The following FAM13B variants were observed in gnomAD, a reference collection of about 807,000 sequenced individuals.
The protein encoded by FAM13B is family with sequence similarity 13 member B.
A neutral mutation model predicts 117.3 loss-of-function variants in FAM13B; 60 were observed. The ratio of observed to expected loss-of-function variants is 0.51; its 90% CI spans 0.42 to 0.63. FAM13B has a LOEUF of 0.63. FAM13B is among the 30% of genes least tolerant of loss of function. FAM13B has a pLI of 0.00. For synonymous variants in FAM13B, 332 were observed against 356.1 expected (o/e 0.93, Z 0.76); for missense variants, 972 against 1,091.9 (o/e 0.89, Z 1.55).
At chr5:137,964,713 T>C (rs1769177781) in intron 10 of FAM13B, among the ~76,000 whole-genome samples, 1 of 151,904 alleles carries the variant, frequency 6.6e-6, no homozygotes, top group Non-Finnish European at 1.5e-5. Flanking sequence ...AGTACAAGAC[T>C]CCGTCACAAA....
intron 10 of FAM13B, among the ~76,000 whole-genome samples, chr5:137,969,948 T>C (rs1771516385): frequency 6.6e-6 from 1 of 151,784 alleles, no homozygotes; most frequent in South Asian, 2.1e-4. Flanking sequence ...CTCCAAGAAA[T>C]ATGGGACTAT....
intron 7 of FAM13B, among the ~76,000 whole-genome samples, chr5:137,999,365 C>G (rs1037115824): frequency 6.6e-6 from 1 of 152,098 alleles, no homozygotes; most frequent in African/African-American, 2.4e-5. Flanking sequence ...ATCATGAGGT[C>G]AGGAGTTTGA....
At chr5:137,957,985 G>A (rs1469521446) in intron 13 of FAM13B, among the ~76,000 whole-genome samples, 1 of 152,212 alleles carries the variant, frequency 6.6e-6, no homozygotes, top group African/African-American at 2.4e-5. Flanking sequence ...ATTCTTCTAT[G>A]TTTAAAATTT....
chr5:138,019,651 T>C (rs951613739), intron 2 of FAM13B, among the ~76,000 whole-genome samples: 2 of 151,702 alleles, frequency 1.3e-5, no homozygotes, highest in Admixed American at 6.6e-5. Flanking sequence ...TAATGAGTTC[T>C]TATTTCTACA....
chr5:137,998,741 T>C (rs1280981599), intron 7 of FAM13B, among the ~76,000 whole-genome samples: 3 of 152,252 alleles, frequency 2.0e-5, no homozygotes, highest in Non-Finnish European at 4.4e-5. Flanking sequence ...CTTTAACAAA[T>C]GTGCCAACTA....
chr5:138,000,637 A>C (rs1780986256), intron 7 of FAM13B, among the ~76,000 whole-genome samples: 1 of 152,140 alleles, frequency 6.6e-6, no homozygotes, highest in African/African-American at 2.4e-5. Flanking sequence ...TACAAACAGA[A>C]GCACCCAGGC....
intron 7 of FAM13B, among the ~76,000 whole-genome samples, chr5:138,004,326 G>A (rs1355331112): frequency 1.2e-5 from 1 of 81,664 alleles, no homozygotes; most frequent in East Asian, 3.8e-4. Flanking sequence ...TGGAGCAAAG[G>A]AGGATCCTCT....
chr5:137,988,609 A>G (rs1261345384), intron 7 of FAM13B, among the ~76,000 whole-genome samples: 1 of 152,240 alleles, frequency 6.6e-6, no homozygotes, highest in Non-Finnish European at 1.5e-5. Context: ...CTCTCATTTA[A>G]TAACTTTCAA....
chr5:137,969,418 A>C (rs1057247538), intron 10 of FAM13B, among the ~76,000 whole-genome samples: 21 of 152,326 alleles, frequency 1.4e-4, no homozygotes, highest in African/African-American at 4.8e-4. Flanking sequence ...TAGAAGGAAA[A>C]CTAACAAACA....
chr5:137,966,885 A>G (rs1770137326), intron 10 of FAM13B, among the ~76,000 whole-genome samples: 1 of 152,222 alleles, frequency 6.6e-6, no homozygotes, highest in Non-Finnish European at 1.5e-5. Context: ...TGGGAAAAGG[A>G]TATATTATAC....
intron 7 of FAM13B, 106 bp from the exon 8 acceptor site, chr5:137,988,421 C>T: frequency 1.3e-6 from 1 of 775,194 alleles, no homozygotes; most frequent in Non-Finnish European, 2.1e-6. Flanking sequence ...ACCAGGAGAG[C>T]ACATACTAAG....
At position 137,942,132 on chromosome 5, in the gene FAM13B, G is replaced by C. The variant is rs918756187; in HGVS notation, c.2589-87C>G. ...TTCTATTTCTGGCTGCAAATTAAAA[G>C]TGGCTGGGGAACTGTTAGGTCTACC... On this transcript the variant is annotated intron_variant, in intron 22 of 23. Coordinates refer to ENST00000689681, the MANE Select transcript of FAM13B (RefSeq NM_001385994.1). 2.6e-6 allele frequency: 3 copies of C among 1,132,646 alleles called. No homozygotes were observed. The African/African-American group carries it at 4.7e-5, about 18-fold the overall frequency. The allele number at this position is 1,132,646 out of a possible 1,614,324, so 70.2% of individuals were successfully genotyped here.
At chr5:137,985,468 A>G (rs778933710) in intron 9 of FAM13B, 79 bp from the exon 10 acceptor site, 101 of 1,357,218 alleles carry the variant, frequency 7.4e-5, no homozygotes, top group Middle Eastern at 5.6e-4. Flanking sequence ...GTAAATATCA[A>G]TAATGATCTG....
intron 4 of FAM13B, among the ~76,000 whole-genome samples, chr5:138,014,289 T>C (rs1452724684): frequency 6.6e-6 from 1 of 152,216 alleles, no homozygotes; most frequent in Non-Finnish European, 1.5e-5. Flanking sequence ...TCTCAGTATC[T>C]GGAGCAAGGG....
chr5:137,944,554 T>C (rs1029311741), intron 20 of FAM13B, among the ~76,000 whole-genome samples: 5 of 151,964 alleles, frequency 3.3e-5, no homozygotes, highest in Non-Finnish European at 5.9e-5. Context: ...GATGACAAGG[T>C]CAGGAGTTCA....
chr5:138,000,247 A>G (rs1780879723), intron 7 of FAM13B, among the ~76,000 whole-genome samples: 1 of 152,022 alleles, frequency 6.6e-6, no homozygotes, highest in African/African-American at 2.4e-5. Flanking sequence ...CAAATATAAA[A>G]TATTAGTCAG....
rs376375915 is a variant in FAM13B, at chr5:137,953,664, C to T, written c.1719-199G>A. Among the ~76,000 whole-genome samples, 19 of 152,270 alleles carry T rather than the reference C, an allele frequency of 1.2e-4. 1 individual carries two copies. In the East Asian group the frequency reaches 3.7e-3, roughly 29 times the overall value. ...TAGCTAATACAAGTGGTGATGAAAACAGTTTGGAATCATTTAAAACTGGTT... is the reference window on the plus strand; with the variant it reads ...TAGCTAATACAAGTGGTGATGAAAATAGTTTGGAATCATTTAAAACTGGTT... On this transcript the variant is annotated intron_variant, in intron 15 of 23. Transcript: ENST00000689681.
chr5:138,005,919 G>C (rs919668316), intron 7 of FAM13B, among the ~76,000 whole-genome samples: 3 of 143,786 alleles, frequency 2.1e-5, no homozygotes, highest in Non-Finnish European at 4.5e-5. Flanking sequence ...TTTTTTTTGA[G>C]ACGGAGTTTT....
intron 10 of FAM13B, among the ~76,000 whole-genome samples, chr5:137,974,861 G>C (rs1773453287): frequency 6.6e-6 from 1 of 151,966 alleles, no homozygotes; most frequent in Non-Finnish European, 1.5e-5. Flanking sequence ...GCTAAGAAGG[G>C]TTTCTACGTT....
Sources: gnomAD v4.1 joint callset for allele counts (sites outside exome capture counted in the v4.1 genomes callset) on GRCh38, gnomAD v4.1.1 for gene constraint, MANE v1.5 for transcripts, NCBI Gene and HGNC (gene_info 2026-07-23, HGNC 2026-07-21) for gene names.